MIR2052HG: variants seen among roughly 807,000 people sequenced by gnomAD.
MIR2052HG encodes the protein MIR2052 host gene.
chr8:74,682,511 C>G (rs1809136758), intron 2 of MIR2052HG, among the ~76,000 whole-genome samples: 1 of 151,714 alleles, frequency 6.6e-6, no homozygotes, highest in Non-Finnish European at 1.5e-5. Context: ...AAAGGGAAAA[C>G]ATAAACAGAA....
chr8:74,600,277 C>CTT (rs781650557), intron 1 of MIR2052HG, among the ~76,000 whole-genome samples: 9 of 145,038 alleles, frequency 6.2e-5, no homozygotes, highest in South Asian at 2.2e-4. Flanking sequence ...TATTTCTTTT[C>CTT]TTTTTTTTTT....
chr8:74,610,433 C>G (rs1808178251), intron 1 of MIR2052HG, among the ~76,000 whole-genome samples: 1 of 151,614 alleles, frequency 6.6e-6, no homozygotes, highest in Admixed American at 6.6e-5. Flanking sequence ...GTTAATATGT[C>G]AAGTATCTAA....
At chr8:74,671,713 G>C (rs138150002) in intron 2 of MIR2052HG, among the ~76,000 whole-genome samples, 12 of 152,254 alleles carry the variant, frequency 7.9e-5, no homozygotes, top group African/African-American at 2.9e-4. Context: ...TTGAGGTTTA[G>C]TTAATCATGG....
chr8:74,604,761 T>C (rs1322633645), intron 1 of MIR2052HG, among the ~76,000 whole-genome samples: 2 of 151,456 alleles, frequency 1.3e-5, no homozygotes, highest in Admixed American at 1.3e-4. Context: ...GCCTGGCTAA[T>C]TTTTGTATTT....
chr8:74,602,819 T>G (rs953952724), intron 1 of MIR2052HG, among the ~76,000 whole-genome samples: 1 of 114,432 alleles, frequency 8.7e-6, no homozygotes, highest in Admixed American at 9.9e-5. Flanking sequence ...CCGGCCGTGT[T>G]TCTTTCTTTC....
intron 2 of MIR2052HG, among the ~76,000 whole-genome samples, chr8:74,694,477 T>C (rs1267294790): frequency 6.6e-6 from 1 of 152,220 alleles, no homozygotes; most frequent in African/African-American, 2.4e-5. Context: ...AAAGACCACA[T>C]AGCTCACCAG....
At chr8:74,684,002 G>A (rs969809755) in intron 2 of MIR2052HG, among the ~76,000 whole-genome samples, 1 of 151,918 alleles carries the variant, frequency 6.6e-6, no homozygotes, top group African/African-American at 2.4e-5. Context: ...CTCTTGCTTT[G>A]TCTGGCACCA....
intron 2 of MIR2052HG, among the ~76,000 whole-genome samples, chr8:74,648,724 C>T (rs544025883): frequency 1.8e-3 from 268 of 152,234 alleles, no homozygotes; most frequent in African/African-American, 6.2e-3. Flanking sequence ...GGCTGGTTCC[C>T]CCGATACGTA....
intron 4 of MIR2052HG, among the ~76,000 whole-genome samples, chr8:74,720,430 G>GAA (rs1809564443): frequency 6.6e-6 from 1 of 151,924 alleles, no homozygotes; most frequent in Non-Finnish European, 1.5e-5. Context: ...TTTCTTAATT[G>GAA]TTTTTTTCAA....
At chr8:74,751,232 C>A (rs891415347) in intron 4 of MIR2052HG, among the ~76,000 whole-genome samples, 1 of 152,148 alleles carries the variant, frequency 6.6e-6, no homozygotes, top group Non-Finnish European at 1.5e-5. Context: ...AAACAAACGT[C>A]CTTTTCATGG....
intron 4 of MIR2052HG, among the ~76,000 whole-genome samples, chr8:74,748,713 C>T (rs781396314): frequency 5.3e-5 from 8 of 152,112 alleles, no homozygotes; most frequent in Non-Finnish European, 8.8e-5. Flanking sequence ...CAGGCTTTTT[C>T]CTGTCTCTAT....
At chr8:74,757,033 T>C (rs1195547624) in intron 5 of MIR2052HG, 1 of 152,220 alleles carries the variant, frequency 6.6e-6, no homozygotes, top group Non-Finnish European at 1.5e-5. Flanking sequence ...TGGGTAGCTA[T>C]GGCATCCAGG....
intron 2 of MIR2052HG, among the ~76,000 whole-genome samples, chr8:74,649,779 G>A (rs1275132276): frequency 6.6e-6 from 1 of 151,976 alleles, no homozygotes; most frequent in Non-Finnish European, 1.5e-5. Flanking sequence ...TGAACATCAT[G>A]GAAAAGTAAT....
At chr8:74,617,470 TG>T (rs1488299433) in intron 2 of MIR2052HG, among the ~76,000 whole-genome samples, 1 of 151,858 alleles carries the variant, frequency 6.6e-6, no homozygotes, top group African/African-American at 2.4e-5. Flanking sequence ...TGTGTGTGTG[TG>T]TGTGTGTGTG....
chr8:74,716,887 CT>C (rs978888890), intron 4 of MIR2052HG, among the ~76,000 whole-genome samples: 10 of 151,796 alleles, frequency 6.6e-5, no homozygotes, highest in African/African-American at 1.2e-4. Flanking sequence ...TTTGCCACTG[CT>C]TTTTTTATAT....
chr8:74,632,356 T>C (rs1177872575), intron 2 of MIR2052HG: 1 of 152,162 alleles, frequency 6.6e-6, no homozygotes, highest in African/African-American at 2.4e-5. Flanking sequence ...GAGCCTGCGT[T>C]TGTGATTGGG....
chr8:74,716,180 T>C (rs1809518872), intron 4 of MIR2052HG, among the ~76,000 whole-genome samples: 1 of 152,112 alleles, frequency 6.6e-6, no homozygotes, highest in South Asian at 2.1e-4. Flanking sequence ...AGGAAGCTGG[T>C]GTAGTCTCCT....
intron 2 of MIR2052HG, among the ~76,000 whole-genome samples, chr8:74,660,877 A>AT (rs397976613): frequency 6.6e-6 from 1 of 151,854 alleles, no homozygotes; most frequent in African/African-American, 2.4e-5. Context: ...TTTAAAAAAA[A>AT]TAACAGACTT....
intron 1 of MIR2052HG, among the ~76,000 whole-genome samples, chr8:74,600,277 C>CT (rs781650557): frequency 0.035 from 5,001 of 144,934 alleles, 90 homozygotes; most frequent in African/African-American, 0.043. Context: ...TATTTCTTTT[C>CT]TTTTTTTTTT....
Sources: gnomAD v4.1 joint callset for allele counts (sites outside exome capture counted in the v4.1 genomes callset) on GRCh38, gnomAD v4.1.1 for gene constraint, MANE v1.5 for transcripts, NCBI Gene and HGNC (gene_info 2026-07-23, HGNC 2026-07-21) for gene names.